Variants in CEP170 observed in about 807,000 individuals in gnomAD.
The protein encoded by CEP170 is centrosomal protein of 170 kDa.
Under a neutral mutation model 151.9 loss-of-function variants are expected in CEP170, and 21 were observed. The observed-to-expected ratio is 0.14, with a 90% CI of 0.10 to 0.20. The LOEUF is 0.20. Among genes scored for constraint, CEP170 ranks in the 10% least tolerant of loss-of-function variants. The probability of loss-of-function intolerance (pLI) is 1.00; values close to 1 mark genes in which losing one functional copy is unlikely to be tolerated. For synonymous variants in CEP170, 356 were observed against 648.8 expected, an observed-to-expected ratio of 0.55 and a Z score of 6.86; for missense variants, 964 against 1,892.9, an observed-to-expected ratio of 0.51 and a Z score of 9.11.
In CEP170 at chr1:243,182,326, A is replaced by G. The variant is rs1300749669; in HGVS notation, c.1566+3453T>C. Among the ~76,000 whole-genome samples, 2 of 152,162 alleles carry G rather than the reference A, an allele frequency of 1.3e-5. 1 individual carries two copies. Among genetic ancestry groups the G allele is most frequent in the Non-Finnish European group, 2.9e-5 (2 of 68,010 alleles). On this transcript the variant is annotated intron_variant, in intron 10 of 19. Coordinates refer to ENST00000366542, the MANE Select transcript of CEP170 (RefSeq NM_014812.3). Reference sequence around the variant, plus strand: ...TGAGCTAAACAAACCTCTTTTCTTGATAAGCTACCCAGTCTCAGATATAGC... The same window carrying G: ...TGAGCTAAACAAACCTCTTTTCTTGGTAAGCTACCCAGTCTCAGATATAGC...
chr1:243,183,075 C>T (rs2059728708), intron 10 of CEP170, among the ~76,000 whole-genome samples: 1 of 151,782 alleles, frequency 6.6e-6, no homozygotes, highest in East Asian at 1.9e-4. Flanking sequence ...TTTCCTCCAA[C>T]AGCTTTATTT....
Position 243,178,308 on chromosome 1 carries a change from CAAAAAAAAAAAAAAAA to C in CEP170, c.1567-5478_1567-5463del, listed in dbSNP as rs869094317. On this transcript the variant is annotated intron_variant, in intron 10 of 19. Transcript: ENST00000366542. ...TGGGCAACAGAGCGAGACTCTGCCT[CAAAAAAAAAAAAAAAA>C]AAAAAAAAAAAGGAGTGAAGTACTG... Among the ~76,000 whole-genome samples, 77 of 30,434 alleles carry C rather than the reference CAAAAAAAAAAAAAAAA, an allele frequency of 2.5e-3. 2 individuals carry two copies. Among genetic ancestry groups the C allele is most frequent in the African/African-American group, 0.012 (75 of 6,126 alleles). 20.0% of individuals were successfully genotyped at this position (30,434 alleles called of 152,430 possible).
rs200812345 is a variant in CEP170, at chr1:243,126,551, G to A, written c.4653C>T (p.Ala1551=). ...ARALHPAAVS[A]AAEFENAESE... ...ATTCAGCATTCTCAAATTCAGCTGC[G>A]GCTGAAACAGCAGCAGGATGAAGAG... The change falls in exon 20 of 20, where the codon GCC becomes GCT. Residue 1551 remains alanine (A), a synonymous_variant. Transcript: ENST00000366542. 74 of 1,584,038 alleles carry A rather than the reference G, an allele frequency of 4.7e-5. No individual in the cohort carries two copies. Among genetic ancestry groups the A allele is most frequent in the Non-Finnish European group, 5.8e-5 (68 of 1,163,202 alleles).
chr1:243,199,260 T>C (rs1300653958), intron 6 of CEP170, 66 bp from the exon 7 acceptor site: 1 of 1,516,152 alleles, frequency 6.6e-7, no homozygotes, highest in Non-Finnish European at 8.9e-7. Flanking sequence ...TTTCGCAGAA[T>C]GCTAGAACTG....
chr1:243,230,256 C>T (rs961115355), intron 1 of CEP170, among the ~76,000 whole-genome samples: 2 of 152,044 alleles, frequency 1.3e-5, no homozygotes, highest in African/African-American at 4.8e-5. Flanking sequence ...GAGCCATGAT[C>T]ATGCCCTGCA....
chr1:243,234,142 T>C (rs1404058680), intron 1 of CEP170, among the ~76,000 whole-genome samples: 3 of 152,202 alleles, frequency 2.0e-5, no homozygotes, highest in Non-Finnish European at 4.4e-5. Context: ...CTCCTGCTAT[T>C]GCAGAGAAAG....
intron 10 of CEP170, chr1:243,176,834 G>A (rs1170949709): frequency 5.0e-6 from 2 of 400,222 alleles, no homozygotes; most frequent in Middle Eastern, 3.6e-4. Flanking sequence ...AACCATGCAG[G>A]AATATTCTGT....
intron 18 of CEP170, chr1:243,128,571 G>T (rs2053983553): frequency 8.7e-6 from 3 of 344,914 alleles, no homozygotes; most frequent in African/African-American, 2.2e-5. Flanking sequence ...TTTAAGCAAA[G>T]ATTTTTTTTT....
intron 1 of CEP170, among the ~76,000 whole-genome samples, chr1:243,237,656 C>T (rs1271121666): frequency 6.6e-6 from 1 of 152,182 alleles, no homozygotes; most frequent in Non-Finnish European, 1.5e-5. Flanking sequence ...AATCCCAGCA[C>T]TTTGGGAGGC....
intron 1 of CEP170, 56 bp downstream of exon 1, chr1:243,254,984 C>G (rs901663100): frequency 6.6e-6 from 1 of 152,230 alleles, no homozygotes; most frequent in Admixed American, 6.5e-5. Context: ...GGAAAGCAGC[C>G]GCGGCGGTGG....
At chr1:243,168,262 A>G (rs2058583871) in intron 12 of CEP170, 1 of 152,004 alleles carries the variant, frequency 6.6e-6, no homozygotes, top group South Asian at 2.1e-4. Context: ...AAATACTTCT[A>G]ATACTTACAA....
At chr1:243,177,576 A>C (rs1299278027) in intron 10 of CEP170, among the ~76,000 whole-genome samples, 2 of 152,210 alleles carry the variant, frequency 1.3e-5, no homozygotes, top group East Asian at 3.8e-4. Flanking sequence ...TCAAATCAAT[A>C]GTAGAGGTTC....
intron 3 of CEP170, among the ~76,000 whole-genome samples, chr1:243,221,144 A>C (rs543755641): frequency 3.4e-4 from 52 of 152,010 alleles, no homozygotes; most frequent in Admixed American, 2.0e-3. Context: ...CCTGCCTCAG[A>C]CTACCGAGTA....
intron 4 of CEP170, 50 bp from the exon 5 acceptor site, chr1:243,200,885 T>A (rs2060982975): frequency 1.3e-6 from 2 of 1,571,566 alleles, no homozygotes; most frequent in Admixed American, 4.1e-5. Context: ...ATAATTGAGC[T>A]AAAAATCGTC....
intron 1 of CEP170, among the ~76,000 whole-genome samples, chr1:243,240,247 T>C (rs1362777185): frequency 4.0e-5 from 6 of 151,870 alleles, no homozygotes; most frequent in Non-Finnish European, 5.9e-5. Flanking sequence ...GAGGTGGAGG[T>C]TGCAGTGAGC....
chr1:243,184,910 T>C (rs1316745475), intron 10 of CEP170, among the ~76,000 whole-genome samples: 1 of 152,108 alleles, frequency 6.6e-6, no homozygotes, highest in Admixed American at 6.6e-5. Context: ...CCAAGTAATA[T>C]TTATGCTGCT....
rs140959201 is a variant in CEP170, at chr1:243,229,889, C to G, written c.-41-4568G>C. 6.7e-3 allele frequency among the ~76,000 whole-genome samples: 1,014 copies of G among 152,254 alleles called. 13 individuals carry two copies. Among genetic ancestry groups the G allele is most frequent in the African/African-American group, 0.023 (964 of 41,530 alleles). On this transcript the variant is annotated intron_variant, in intron 1 of 19. Transcript: ENST00000366542. ...GGTCAATAGCTGACCACAGAGGAAA[C>G]AGAAGAAACTTCAGTGACCACATTA...
At position 243,164,700 on chromosome 1, in the gene CEP170, C is replaced by T. The variant is rs1296413537; in HGVS notation, c.3260G>A (p.Ser1087Asn). The change falls in exon 13 of 20, where the codon AGT (serine) becomes AAT (asparagine). Residue 1087 changes from serine to asparagine, a missense_variant. By Grantham distance (46) the Ser-to-Asn change is conservative. Coordinates refer to ENST00000366542, the MANE Select transcript of CEP170 (RefSeq NM_014812.3). ...TGGCCTTGGAAGGGTGGTTGATTTA[C>T]TAGATGAACCAGATACCACCGGAGA... is the stretch of plus-strand genomic sequence containing the variant. ...KTSPVVSGSS[S>N]KSTTLPRPRP... 1.9e-6 allele frequency: 3 copies of T among 1,613,536 alleles called. No homozygotes were observed. The highest frequency in any genetic ancestry group is 2.7e-5 in the African/African-American group (2 of 74,890).
At chr1:243,193,169 C>G (rs1264387847) in intron 7 of CEP170, among the ~76,000 whole-genome samples, 1 of 152,086 alleles carries the variant, frequency 6.6e-6, no homozygotes, top group African/African-American at 2.4e-5. Flanking sequence ...AGTGTTTACT[C>G]TGAAGTCATG....
Sources: allele counts gnomAD v4.1 joint callset (sites outside exome capture counted in the v4.1 genomes callset), GRCh38; gene constraint gnomAD v4.1.1; transcripts MANE v1.5; gene names NCBI Gene and HGNC (gene_info 2026-07-23, HGNC 2026-07-21).